Variants in SEMA5A observed in about 807,000 individuals in gnomAD.
SEMA5A encodes semaphorin 5A.
SEMA5A carries 55 observed loss-of-function variants against 135.5 expected under a neutral mutation model. That is an observed-to-expected ratio of 0.41 (90% CI 0.33 to 0.51). The LOEUF is 0.51. Among genes scored for constraint, SEMA5A ranks in the 20% least tolerant of loss-of-function variants. The pLI, the probability that SEMA5A is intolerant of heterozygous loss-of-function variation, is 0.37. For synonymous variants in SEMA5A, 580 were observed against 546.5 expected, an observed-to-expected ratio of 1.06 and a Z score of -0.85; for missense variants, 1,290 against 1,419.9, an observed-to-expected ratio of 0.91 and a Z score of 1.47.
At chr5:9,055,296 C>T (rs1037582239) in intron 18 of SEMA5A, among the ~76,000 whole-genome samples, 3 of 152,172 alleles carry the variant, frequency 2.0e-5, no homozygotes, top group Admixed American at 6.5e-5. Context: ...AGCTACAGGA[C>T]GTTGTCAAAC....
At chr5:9,090,683 G>A (rs942153618) in intron 16 of SEMA5A, among the ~76,000 whole-genome samples, 1 of 152,172 alleles carries the variant, frequency 6.6e-6, no homozygotes, top group Non-Finnish European at 1.5e-5. Flanking sequence ...CAGGCACTGA[G>A]AATGTCCTGA....
chr5:9,309,556 C>T (rs114532535), intron 5 of SEMA5A, among the ~76,000 whole-genome samples: 1,601 of 152,218 alleles, frequency 0.011, 14 homozygotes, highest in South Asian at 0.021. Flanking sequence ...TTCCCTACTG[C>T]CTCTGGAGGC....
chr5:9,152,114 G>A (rs960784773), intron 12 of SEMA5A, among the ~76,000 whole-genome samples: 1 of 152,206 alleles, frequency 6.6e-6, no homozygotes, highest in Admixed American at 6.5e-5. Flanking sequence ...CAAGGAAGGA[G>A]AGCAACCTGT....
intron 15 of SEMA5A, among the ~76,000 whole-genome samples, chr5:9,109,332 G>A (rs1740117674): frequency 2.0e-5 from 3 of 152,094 alleles, no homozygotes; most frequent in Admixed American, 2.0e-4. Context: ...GAGCCACCGC[G>A]CCCAGCCTTC....
chr5:9,266,140 T>A (rs914303275), intron 5 of SEMA5A, among the ~76,000 whole-genome samples: 1 of 152,210 alleles, frequency 6.6e-6, no homozygotes, highest in Non-Finnish European at 1.5e-5. Flanking sequence ...GAGGGCATTT[T>A]AGGAGAGCAG....
intron 16 of SEMA5A, among the ~76,000 whole-genome samples, chr5:9,085,569 C>G (rs1482999952): frequency 6.6e-6 from 1 of 152,190 alleles, no homozygotes; most frequent in Non-Finnish European, 1.5e-5. Context: ...AAGTCAAGAA[C>G]TGGGGTTTGG....
chr5:9,309,979 G>T (rs1379603481), intron 5 of SEMA5A, among the ~76,000 whole-genome samples: 1 of 152,004 alleles, frequency 6.6e-6, no homozygotes, highest in African/African-American at 2.4e-5. Context: ...ATCAACTGGG[G>T]ATCATGTAAT....
At chr5:9,198,165 T>A (rs1745520261) in intron 9 of SEMA5A, among the ~76,000 whole-genome samples, 1 of 152,146 alleles carries the variant, frequency 6.6e-6, no homozygotes, top group Admixed American at 6.5e-5. Context: ...ACCACAAGCA[T>A]TTCTCATCAA....
intron 1 of SEMA5A, chr5:9,517,240 A>AT (rs1736582546): frequency 6.6e-6 from 1 of 152,186 alleles, no homozygotes; most frequent in Non-Finnish European, 1.5e-5. Context: ...GGAATGCCAC[A>AT]TTTTTTCTAA....
chr5:9,449,599 C>T (rs193100740), intron 1 of SEMA5A, among the ~76,000 whole-genome samples: 2 of 151,760 alleles, frequency 1.3e-5, no homozygotes, highest in Admixed American at 1.3e-4. Flanking sequence ...AAAAAAAGAA[C>T]AACAGTTTGA....
intron 1 of SEMA5A, among the ~76,000 whole-genome samples, chr5:9,522,365 C>A (rs1736882349): frequency 6.6e-6 from 1 of 152,060 alleles, no homozygotes; most frequent in Admixed American, 6.5e-5. Flanking sequence ...GGCAGATCAC[C>A]TGAGGTCAGG....
intron 2 of SEMA5A, among the ~76,000 whole-genome samples, chr5:9,414,759 C>A (rs562790869): frequency 6.6e-6 from 1 of 152,134 alleles, no homozygotes; most frequent in African/African-American, 2.4e-5. Flanking sequence ...TTTGAGTTGG[C>A]AAAAATGGGA....
chr5:9,283,897 A>T (rs1387736764), intron 5 of SEMA5A, among the ~76,000 whole-genome samples: 4 of 152,170 alleles, frequency 2.6e-5, no homozygotes, highest in Non-Finnish European at 4.4e-5. Flanking sequence ...TATTTTCATG[A>T]TTGCAGGACA....
intron 2 of SEMA5A, among the ~76,000 whole-genome samples, chr5:9,413,150 C>A (rs758641258): frequency 3.9e-5 from 6 of 152,096 alleles, no homozygotes; most frequent in East Asian, 1.9e-4. Context: ...GGAAGGTGGG[C>A]AGGTCCTCAG....
At chr5:9,506,612 G>A (rs918317045) in intron 1 of SEMA5A, among the ~76,000 whole-genome samples, 2 of 152,210 alleles carry the variant, frequency 1.3e-5, no homozygotes, top group East Asian at 1.9e-4. Context: ...GGCTTATGGG[G>A]TCCAAAATCT....
intron 2 of SEMA5A, among the ~76,000 whole-genome samples, chr5:9,407,041 T>C (rs1756913022): frequency 6.6e-6 from 1 of 152,214 alleles, no homozygotes; most frequent in Admixed American, 6.5e-5. Flanking sequence ...TCCTGTGCAT[T>C]GAAGGATGCT....
chr5:9,227,003 A>ATG (rs1747351704), intron 6 of SEMA5A, 36 bp from the exon 7 acceptor site: 4 of 1,042,278 alleles, frequency 3.8e-6, no homozygotes, highest in Non-Finnish European at 3.8e-6. Context: ...AAAAATATAT[A>ATG]TATATATGTA....
intron 1 of SEMA5A, among the ~76,000 whole-genome samples, chr5:9,510,363 T>C (rs1736139803): frequency 6.6e-6 from 1 of 152,228 alleles, no homozygotes; most frequent in Admixed American, 6.5e-5. Flanking sequence ...CCTCCAGTAT[T>C]TGACAGATTT....
chr5:9,070,591 G>A (rs375428252), intron 16 of SEMA5A, among the ~76,000 whole-genome samples: 36 of 152,254 alleles, frequency 2.4e-4, no homozygotes, highest in African/African-American at 8.7e-4. Flanking sequence ...TGTATGAGGG[G>A]CAAATGTGTT....
Sources: allele counts gnomAD v4.1 joint callset (sites outside exome capture counted in the v4.1 genomes callset), GRCh38; gene constraint gnomAD v4.1.1; transcripts MANE v1.5; gene names NCBI Gene and HGNC (gene_info 2026-07-23, HGNC 2026-07-21).